The following DLGAP1 variants were observed in gnomAD, a reference collection of about 807,000 sequenced individuals.
DLGAP1 encodes DLG associated protein 1.
DLGAP1 carries 11 observed loss-of-function variants against 90.8 expected under a neutral mutation model. The ratio of observed to expected loss-of-function variants is 0.12; its 90% confidence interval spans 0.08 to 0.20. The LOEUF (loss-of-function observed/expected upper bound fraction) is 0.20. DLGAP1 is among the 10% of genes least tolerant of loss of function. The probability of loss-of-function intolerance (pLI) is 1.00; values close to 1 mark genes in which losing one functional copy is unlikely to be tolerated. For synonymous variants in DLGAP1, 558 were observed against 540.7 expected (o/e 1.03, Z -0.44); for missense variants, 1,050 against 1,333.8 (o/e 0.79, Z 3.31).
chr18:4,372,752 C>T (rs148945476), intron 1 of DLGAP1, among the ~76,000 whole-genome samples: 3,215 of 151,870 alleles, frequency 0.021, 47 homozygotes, highest in Non-Finnish European at 0.031. Flanking sequence ...CATGGTGAAA[C>T]CCCATCTCTA....
intron 1 of DLGAP1, among the ~76,000 whole-genome samples, chr18:4,162,473 T>C (rs1446088384): frequency 6.6e-6 from 1 of 152,190 alleles, no homozygotes; most frequent in Non-Finnish European, 1.5e-5. Flanking sequence ...ATCTTTTACC[T>C]TAACAGATAA....
intron 7 of DLGAP1, among the ~76,000 whole-genome samples, chr18:3,707,068 T>C (rs1282174877): frequency 6.6e-6 from 1 of 152,128 alleles, no homozygotes; most frequent in Non-Finnish European, 1.5e-5. Context: ...GAGAAATGGG[T>C]TGTTAAGGGA....
chr18:3,642,376 T>G (rs1172246490), intron 7 of DLGAP1, among the ~76,000 whole-genome samples: 1 of 152,214 alleles, frequency 6.6e-6, no homozygotes, highest in Non-Finnish European at 1.5e-5. Context: ...TTTGGAGCAT[T>G]TTCGATTTCA....
intron 1 of DLGAP1, among the ~76,000 whole-genome samples, chr18:4,211,759 C>G (rs1464512017): frequency 1.3e-5 from 2 of 152,066 alleles, no homozygotes; most frequent in Non-Finnish European, 2.9e-5. Flanking sequence ...CAGTACACCC[C>G]TATGTAAAAT....
chr18:4,105,199 G>A (rs988226162), intron 2 of DLGAP1, among the ~76,000 whole-genome samples: 1 of 152,168 alleles, frequency 6.6e-6, no homozygotes, highest in Non-Finnish European at 1.5e-5. Flanking sequence ...AAAGCAAGAC[G>A]AGCAGTCAGG....
chr18:3,789,429 C>T (rs1265266133), intron 5 of DLGAP1, among the ~76,000 whole-genome samples: 2 of 151,896 alleles, frequency 1.3e-5, no homozygotes, highest in African/African-American at 2.4e-5. Flanking sequence ...AGGCCGGGGC[C>T]GAAGAGGTAA....
chr18:3,588,230 C>T (rs931740384), intron 7 of DLGAP1, among the ~76,000 whole-genome samples: 2 of 152,178 alleles, frequency 1.3e-5, no homozygotes, highest in Admixed American at 6.5e-5. Context: ...GAGGCTGAGG[C>T]GGCCAGATCA....
chr18:4,285,288 T>C (rs934852119), intron 1 of DLGAP1, among the ~76,000 whole-genome samples: 2 of 152,156 alleles, frequency 1.3e-5, no homozygotes, highest in African/African-American at 4.8e-5. Context: ...TGGAAAACTC[T>C]CATGCCCAGA....
At chr18:4,324,904 A>G (rs1327515993) in intron 1 of DLGAP1, among the ~76,000 whole-genome samples, 1 of 152,188 alleles carries the variant, frequency 6.6e-6, no homozygotes, top group Non-Finnish European at 1.5e-5. Flanking sequence ...CCCACAGACA[A>G]TATCATACTG....
At chr18:3,500,922 T>C (rs185194063) in intron 12 of DLGAP1, among the ~76,000 whole-genome samples, 57 of 152,156 alleles carry the variant, frequency 3.7e-4, no homozygotes, top group African/African-American at 1.3e-3. Flanking sequence ...TTACTATTAT[T>C]ATTATTATTG....
chr18:4,430,502 C>CTGTGTCTGTG (rs2083263010), intron 1 of DLGAP1: 1 of 142,550 alleles, frequency 7.0e-6, no homozygotes, highest in East Asian at 2.1e-4. Context: ...TCTTGTGTGT[C>CTGTGTCTGTG]TGTGTGTGTG....
chr18:3,559,589 A>T (rs961844407), intron 9 of DLGAP1, among the ~76,000 whole-genome samples: 1 of 145,206 alleles, frequency 6.9e-6, no homozygotes, highest in Non-Finnish European at 1.5e-5. Flanking sequence ...AGAGCCCTAG[A>T]GTTTGCATTA....
intron 1 of DLGAP1, among the ~76,000 whole-genome samples, chr18:4,439,015 G>T (rs188826535): frequency 1.1e-3 from 163 of 152,296 alleles, no homozygotes; most frequent in African/African-American, 3.8e-3. Flanking sequence ...GTGCAAACTG[G>T]CTACAATCCA....
intron 2 of DLGAP1, among the ~76,000 whole-genome samples, chr18:4,081,830 TC>T (rs2075612750): frequency 6.6e-6 from 1 of 152,202 alleles, no homozygotes; most frequent in Non-Finnish European, 1.5e-5. Context: ...TGTATATTCT[TC>T]AAGTCCAGTC....
intron 7 of DLGAP1, among the ~76,000 whole-genome samples, chr18:3,669,632 C>T (rs2060012822): frequency 6.6e-6 from 1 of 152,168 alleles, no homozygotes; most frequent in African/African-American, 2.4e-5. Flanking sequence ...TGGTCCGGGG[C>T]AGTCAGAGGA....
intron 5 of DLGAP1, among the ~76,000 whole-genome samples, chr18:3,792,975 C>G (rs550392563): frequency 1.3e-5 from 2 of 152,154 alleles, no homozygotes; most frequent in Admixed American, 6.5e-5. Context: ...TTTGCCCAAC[C>G]CCATTGAGCC....
chr18:3,804,087 G>A (rs367665662), intron 5 of DLGAP1, among the ~76,000 whole-genome samples: 49 of 150,808 alleles, frequency 3.2e-4, no homozygotes, highest in East Asian at 7.8e-4. Context: ...TCTGCCTCCC[G>A]AGTTCAAGTG....
chr18:4,332,069 T>C (rs547517544), intron 1 of DLGAP1, among the ~76,000 whole-genome samples: 20 of 152,002 alleles, frequency 1.3e-4, no homozygotes, highest in African/African-American at 4.1e-4. Flanking sequence ...CCCAGCTCTA[T>C]GGAAACCAAT....
chr18:4,293,413 T>A (rs780702884), intron 1 of DLGAP1: 2 of 152,222 alleles, frequency 1.3e-5, no homozygotes, highest in Non-Finnish European at 2.9e-5. Context: ...ATAGATACAA[T>A]GATCAAAATA....
Sources: gnomAD v4.1 joint callset for allele counts (sites outside exome capture counted in the v4.1 genomes callset) on GRCh38, gnomAD v4.1.1 for gene constraint, MANE v1.5 for transcripts, NCBI Gene and HGNC (gene_info 2026-07-23, HGNC 2026-07-21) for gene names.